NUCB1: variants seen among roughly 807,000 people sequenced by gnomAD.
NUCB1 encodes nucleobindin-1.
In NUCB1, 47 loss-of-function variants were observed where a neutral mutation model predicts 61.2. The ratio of observed to expected loss-of-function variants is 0.77; its 90% CI spans 0.61 to 0.98. The LOEUF (loss-of-function observed/expected upper bound fraction) is 0.98, where lower values mean the gene tolerates loss of function less well. Among genes scored for constraint, NUCB1 ranks in the 50% least tolerant of loss-of-function variants. The pLI is 0.00. For synonymous variants in NUCB1, 234 were observed against 243.1 expected (o/e 0.96, Z 0.35); for missense variants, 583 against 605.3 (o/e 0.96, Z 0.39).
At chr19:48,913,422 C>T (rs1192088335) in intron 6 of NUCB1, 52 bp from the exon 7 acceptor site, 1 of 1,502,490 alleles carries the variant, frequency 6.7e-7, no homozygotes, top group Non-Finnish European at 9.3e-7. Flanking sequence ...TTGGTTTTAT[C>T]CCATGGCATC....
chr19:48,907,670 T>A (rs1381411395), intron 4 of NUCB1, among the ~76,000 whole-genome samples: 1 of 152,142 alleles, frequency 6.6e-6, no homozygotes, highest in Non-Finnish European at 1.5e-5. Context: ...GATGTGGATA[T>A]CTTTTAGGGC....
In NUCB1 at chr19:48,919,214, C is replaced by G; in HGVS notation, c.930C>G (p.Arg310=). 6.2e-7 allele frequency: 1 copy of G among 1,614,054 alleles called. No individual in the cohort carries two copies. Among genetic ancestry groups the G allele is most frequent in the African/African-American group, 1.3e-5 (1 of 75,026 alleles). Residue 310 remains arginine, a synonymous_variant, in exon 10 of 13, where the codon CGC becomes CGG. Transcript: ENST00000405315. ...CCCAGGTGGACACCAACCAGGACCG[C>G]CTCGTGACCCTGGAGGAGTTCCTCG... ...VMKNVDTNQD[R]LVTLEEFLAS...
chr19:48,908,884 GT>G (rs2037442852), intron 4 of NUCB1, among the ~76,000 whole-genome samples: 1 of 152,074 alleles, frequency 6.6e-6, no homozygotes, highest in Non-Finnish European at 1.5e-5. Context: ...CGTGCGGTAA[GT>G]GTGTGTTGGC....
At chr19:48,903,987 G>GGATA (rs199684768) in intron 2 of NUCB1, among the ~76,000 whole-genome samples, 168 of 139,596 alleles carry the variant, frequency 1.2e-3, no homozygotes, top group African/African-American at 4.3e-3. Flanking sequence ...GATGATGGGT[G>GGATA]GATAGATGGG....
intron 7 of NUCB1, among the ~76,000 whole-genome samples, chr19:48,914,811 T>C (rs1229865632): frequency 6.7e-6 from 1 of 149,192 alleles, no homozygotes; most frequent in Non-Finnish European, 1.5e-5. Flanking sequence ...CCAGGCGTGG[T>C]GGCTCACGCC....
In NUCB1 at chr19:48,919,273, G is replaced by C. The variant is rs775732786; in HGVS notation, c.989G>C (p.Gly330Ala). ...CAGAGGAAGGAGTTTGGGGACACCG[G>C]GGAGGGCTGGGAGGTGAGAACATGG... is the stretch of plus-strand genomic sequence containing the variant. The part of the protein sequence containing the change: ...STQRKEFGDT[G>A]EGWETVEMHP... The change falls in exon 10 of 13, where the codon GGG becomes GCG. Residue 330 changes from glycine to alanine, a missense_variant. Coordinates refer to ENST00000405315, the MANE Select transcript of NUCB1 (RefSeq NM_006184.6). The C allele has an allele frequency of 6.2e-7, 1 of 1,613,260 alleles. No individual in the cohort carries two copies. Among genetic ancestry groups the C allele is most frequent in the South Asian group, 1.1e-5 (1 of 91,058 alleles).
chr19:48,912,498 G>A (rs1379571105), intron 5 of NUCB1, among the ~76,000 whole-genome samples: 4 of 152,104 alleles, frequency 2.6e-5, no homozygotes, highest in Admixed American at 1.3e-4. Context: ...TGAATAAAGA[G>A]AAGAAAGTGT....
chr19:48,905,909 G>GGGGGGCA, intron 4 of NUCB1, 24 bp downstream of exon 4: 1 of 496,804 alleles, frequency 2.0e-6, no homozygotes, highest in East Asian at 6.0e-5. Flanking sequence ...GGGCGGGAGG[G>GGGGGGCA]ACAGGCAGGG....
At chr19:48,909,243 ATTATTAT>A (rs2037446066) in intron 4 of NUCB1, among the ~76,000 whole-genome samples, 1 of 130,146 alleles carries the variant, frequency 7.7e-6, no homozygotes, top group Admixed American at 7.1e-5. Flanking sequence ...AATTATTATT[ATTATTAT>A]TTTTTTTTTT....
Position 48,901,011 on chromosome 19 carries a change from G to T in NUCB1, c.135+80G>T, listed in dbSNP as rs148598236. The stretch of plus-strand genomic sequence containing the variant: ...CTGCAGACCCCGGTGCCCGTAGGGC[G>T]GATGCTCCAGTGACTTCCTGGCCCT... On this transcript the variant is annotated intron_variant, in intron 2 of 12. Coordinates refer to ENST00000405315, the MANE Select transcript of NUCB1 (RefSeq NM_006184.6). 25 of 1,532,740 alleles carry T rather than the reference G, an allele frequency of 1.6e-5. No individual in the cohort carries two copies. The East Asian group carries it at 5.6e-4, about 35-fold the overall frequency. The allele number at this position is 1,532,740 out of a possible 1,614,324, so 94.9% of individuals were successfully genotyped here.
intron 4 of NUCB1, 91 bp from the exon 5 acceptor site, chr19:48,911,058 C>T: frequency 2.2e-6 from 2 of 897,652 alleles, no homozygotes; most frequent in Non-Finnish European, 3.6e-6. Flanking sequence ...TTCCCTAGTG[C>T]TGTCCGTGAC....
At chr19:48,912,723 C>G (rs1327705933) in intron 5 of NUCB1, among the ~76,000 whole-genome samples, 1 of 151,592 alleles carries the variant, frequency 6.6e-6, no homozygotes, top group African/African-American at 2.4e-5. Flanking sequence ...ATAATCCCAG[C>G]TACTCGAAAG....
intron 11 of NUCB1, 85 bp downstream of exon 11, chr19:48,921,409 G>A: frequency 2.1e-6 from 3 of 1,441,712 alleles, no homozygotes; most frequent in Non-Finnish European, 2.9e-6. Flanking sequence ...AGCTGGGAAG[G>A]CCTGTGGCCA....
chr19:48,912,051 G>T (rs139011224), intron 5 of NUCB1, among the ~76,000 whole-genome samples: 2 of 132,580 alleles, frequency 1.5e-5, no homozygotes, highest in Admixed American at 8.3e-5. Flanking sequence ...CTGAGACAGC[G>T]TCTTGCTCTG....
At chr19:48,908,721 G>GGTGT (rs57686025) in intron 4 of NUCB1, among the ~76,000 whole-genome samples, 3,982 of 109,262 alleles carry the variant, frequency 0.036, 142 homozygotes, top group East Asian at 0.049. Flanking sequence ...TTGACCAAGG[G>GGTGT]GTGTGTGTGT....
chr19:48,910,672 C>CA lies in NUCB1; in HGVS notation c.377-462dup, dbSNP rs57061784. ...GCCACTGCAGAGTGAAACCCTGTCT[C>CA]AAAAAAAAAAAAAAAGAAGGAAAAG... On this transcript the variant is annotated intron_variant, in intron 4 of 12. Coordinates refer to ENST00000405315, the MANE Select transcript of NUCB1 (RefSeq NM_006184.6). Among the ~76,000 whole-genome samples, 525 of 106,412 alleles carry CA rather than the reference C, an allele frequency of 4.9e-3. 4 individuals are homozygous for CA. The highest frequency in any genetic ancestry group is 0.01 in the East Asian group (39 of 3,820). The allele number at this position is 106,412 out of a possible 152,430, so 69.8% of individuals were successfully genotyped here. A position where few individuals can be genotyped will look rare whatever the true frequency, so the allele number is the denominator to read the frequency against.
intron 10 of NUCB1, among the ~76,000 whole-genome samples, chr19:48,919,487 A>ATTTG (rs1232204341): frequency 6.7e-6 from 1 of 149,744 alleles, no homozygotes; most frequent in African/African-American, 2.5e-5. Context: ...TTATTTATTT[A>ATTTG]TTTATTCTGA....
intron 6 of NUCB1, 101 bp downstream of exon 6, chr19:48,913,297 CA>C (rs5828369): frequency 0.77 from 974,663 of 1,271,292 alleles, 379,451 homozygotes; most frequent in Non-Finnish European, 0.8. Context: ...GCCCTTGAGG[CA>C]AAAAAACTCC....
intron 10 of NUCB1, among the ~76,000 whole-genome samples, chr19:48,919,596 T>C (rs1260366676): frequency 6.6e-6 from 1 of 150,942 alleles, no homozygotes; most frequent in Non-Finnish European, 1.5e-5. Context: ...TCCTGGCTCA[T>C]CCTCTTGAGT....
Sources: allele counts gnomAD v4.1 joint callset (sites outside exome capture counted in the v4.1 genomes callset), GRCh38; gene constraint gnomAD v4.1.1; transcripts MANE v1.5; gene names NCBI Gene and HGNC (gene_info 2026-07-23, HGNC 2026-07-21).